TENM2: variants seen among roughly 807,000 people sequenced by gnomAD.
TENM2 encodes the protein teneurin-2.
Under a neutral mutation model 245.2 loss-of-function variants are expected in TENM2, and 52 were observed. That is an observed-to-expected ratio of 0.21 (90% CI 0.17 to 0.27). The LOEUF is 0.27. Among genes scored for constraint, TENM2 ranks in the 10% least tolerant of loss-of-function variants. The pLI, the probability that TENM2 is intolerant of heterozygous loss-of-function variation, is 1.00. For synonymous variants in TENM2, 1,363 were observed against 1,438.9 expected (o/e 0.95, Z 1.19); for missense variants, 3,046 against 3,666.8 (o/e 0.83, Z 4.37).
At position 167,878,893 on chromosome 5, in the gene TENM2, G is replaced by C. The variant is rs1012606954; in HGVS notation, c.712+2698G>C. On this transcript the variant is annotated intron_variant, in intron 3 of 28. Coordinates refer to ENST00000518659, the Ensembl canonical transcript of TENM2. ...AAATTTGTCTCTTGGCAATAACCCT[G>C]TGTTCTGAGAATCTGGTACTACTTT... 2.0e-5 allele frequency among the ~76,000 whole-genome samples: 3 copies of C among 152,278 alleles called. No individual in the cohort carries two copies. In the East Asian group the frequency reaches 5.8e-4, roughly 29 times the overall value.
chr5:167,431,071 G>T (rs558464859), intron 2 of TENM2, among the ~76,000 whole-genome samples: 17 of 152,156 alleles, frequency 1.1e-4, no homozygotes, highest in African/African-American at 3.6e-4. Context: ...CATAAAGAAA[G>T]AATTTAAACC....
chr5:167,815,831 A>T (rs1367853545), intron 2 of TENM2, among the ~76,000 whole-genome samples: 1 of 152,122 alleles, frequency 6.6e-6, no homozygotes, highest in Non-Finnish European at 1.5e-5. Flanking sequence ...GCTAATGTAT[A>T]CACTGGGATT....
intron 1 of TENM2, among the ~76,000 whole-genome samples, chr5:167,304,782 A>C (rs549195142): frequency 3.9e-5 from 6 of 152,112 alleles, no homozygotes; most frequent in Non-Finnish European, 8.8e-5. Flanking sequence ...TTTTGAGTAC[A>C]TGGGAGTTTT....
At chr5:168,177,708 G>A (rs979926061) in intron 13 of TENM2, among the ~76,000 whole-genome samples, 27 of 152,176 alleles carry the variant, frequency 1.8e-4, no homozygotes, top group Non-Finnish European at 8.8e-5. Flanking sequence ...ACAGTGGTGG[G>A]TGCCTATAGT....
At chr5:168,215,789 A>C (rs1763141840) in intron 21 of TENM2, among the ~76,000 whole-genome samples, 1 of 152,252 alleles carries the variant, frequency 6.6e-6, no homozygotes, top group South Asian at 2.1e-4. Flanking sequence ...AGTCAGGAGA[A>C]TCAGAGGAAA....
the TENM2 span, among the ~76,000 whole-genome samples, chr5:167,032,048 C>T: frequency 1.3e-5 from 2 of 151,970 alleles, no homozygotes; most frequent in Non-Finnish European, 2.9e-5. Flanking sequence ...GTGAACTTTG[C>T]GGCTAATGTT....
At chr5:167,401,226 A>G (rs1431953116) in intron 2 of TENM2, among the ~76,000 whole-genome samples, 1 of 152,116 alleles carries the variant, frequency 6.6e-6, no homozygotes, top group African/African-American at 2.4e-5. Context: ...ACAGTAGACA[A>G]TCGAACGGTG....
chr5:167,158,192 G>C, the TENM2 span, among the ~76,000 whole-genome samples: 1 of 152,080 alleles, frequency 6.6e-6, no homozygotes. Flanking sequence ...TGAAAACACA[G>C]ATATAGAACA....
At chr5:167,479,723 A>G (rs958385153) in intron 2 of TENM2, among the ~76,000 whole-genome samples, 4 of 152,198 alleles carry the variant, frequency 2.6e-5, no homozygotes, top group Admixed American at 2.6e-4. Flanking sequence ...TTGTGGTAGC[A>G]TATTTACTTA....
chr5:167,709,169 G>A (rs529772741), intron 2 of TENM2, among the ~76,000 whole-genome samples: 6 of 152,268 alleles, frequency 3.9e-5, no homozygotes, highest in South Asian at 2.1e-4. Context: ...CTGCAGCTGC[G>A]TGCATCCTCC....
intron 1 of TENM2, among the ~76,000 whole-genome samples, chr5:167,308,616 C>G (rs1214403310): frequency 1.3e-5 from 2 of 152,188 alleles, no homozygotes; most frequent in Non-Finnish European, 2.9e-5. Flanking sequence ...CCAGCAGAGA[C>G]AGCCTGTGTT....
chr5:168,094,941 C>A (rs1286927453), intron 8 of TENM2, among the ~76,000 whole-genome samples: 2 of 151,872 alleles, frequency 1.3e-5, no homozygotes, highest in Admixed American at 1.3e-4. Context: ...GTGAACTGTG[C>A]ATGCGAGGGA....
intron 2 of TENM2, among the ~76,000 whole-genome samples, chr5:167,860,057 T>TG (rs1181706402): frequency 4.4e-4 from 13 of 29,832 alleles, no homozygotes; most frequent in Non-Finnish European, 5.6e-4. Flanking sequence ...GGGAGGGAGG[T>TG]GGGGGGGGGT....
upstream of TENM2, among the ~76,000 whole-genome samples, chr5:167,280,778 CTATCT>C (rs1771004699): frequency 6.6e-6 from 1 of 151,588 alleles, no homozygotes; most frequent in East Asian, 2.0e-4. Flanking sequence ...ATCTATCTAT[CTATCT>C]ATCTATCTAT....
chr5:167,064,475 CAT>C, the TENM2 span, among the ~76,000 whole-genome samples: 2 of 152,164 alleles, frequency 1.3e-5, no homozygotes, highest in Non-Finnish European at 2.9e-5. Flanking sequence ...ATTTAAATCA[CAT>C]ATCTTTACTT....
chr5:168,133,174 A>G (rs1754742206), intron 12 of TENM2, among the ~76,000 whole-genome samples: 1 of 152,226 alleles, frequency 6.6e-6, no homozygotes, highest in Non-Finnish European at 1.5e-5. Flanking sequence ...GTACAAATAT[A>G]CCTTATTGAA....
intron 2 of TENM2, among the ~76,000 whole-genome samples, chr5:167,530,645 G>T (rs549234660): frequency 1.3e-5 from 2 of 152,168 alleles, no homozygotes; most frequent in Non-Finnish European, 2.9e-5. Context: ...CTGTGAGCAC[G>T]GAGCCATCGG....
intron 8 of TENM2, among the ~76,000 whole-genome samples, chr5:168,091,111 A>T (rs934414420): frequency 3.9e-5 from 6 of 152,168 alleles, no homozygotes; most frequent in African/African-American, 1.4e-4. Flanking sequence ...TGCCCACCTC[A>T]TAGGGCCATT....
intron 3 of TENM2, among the ~76,000 whole-genome samples, chr5:167,914,578 C>T (rs2151598921): frequency 6.6e-6 from 1 of 152,266 alleles, no homozygotes; most frequent in Admixed American, 6.5e-5. Context: ...CTGGCCATCT[C>T]TATTCATTTC....
Sources: gnomAD v4.1 joint callset for allele counts (sites outside exome capture counted in the v4.1 genomes callset) on GRCh38, gnomAD v4.1.1 for gene constraint, MANE v1.5 for transcripts, NCBI Gene and HGNC (gene_info 2026-07-23, HGNC 2026-07-21) for gene names.